Variants in KCND2 observed in about 807,000 individuals in gnomAD.
KCND2 encodes the protein potassium voltage-gated channel subfamily D member 2.
A neutral mutation model predicts 54.4 loss-of-function variants in KCND2; 16 were observed. That is an observed-to-expected ratio of 0.29 (90% CI 0.20 to 0.45). The LOEUF (loss-of-function observed/expected upper bound fraction) is 0.45. Among genes scored for constraint, KCND2 ranks in the 20% least tolerant of loss-of-function variants. The pLI, the probability that KCND2 is intolerant of heterozygous loss-of-function variation, is 1.00. For missense variants in KCND2, 486 were observed against 824.2 expected (o/e 0.59, Z 5.02); for synonymous variants, 317 against 310.7 (o/e 1.02, Z -0.21).
At chr7:120,460,814 C>T (rs1562844490) in intron 1 of KCND2, among the ~76,000 whole-genome samples, 1 of 151,998 alleles carries the variant, frequency 6.6e-6, no homozygotes, top group Non-Finnish European at 1.5e-5. Context: ...CAAAAAGAAA[C>T]GCGTGGAAGA....
chr7:120,457,282 A>G (rs1474363129), intron 1 of KCND2, among the ~76,000 whole-genome samples: 3 of 152,130 alleles, frequency 2.0e-5, no homozygotes, highest in Non-Finnish European at 4.4e-5. Context: ...CTCATTACTT[A>G]TGTAAATTTC....
At chr7:120,622,265 A>G (rs1489173467) in intron 1 of KCND2, among the ~76,000 whole-genome samples, 1 of 152,124 alleles carries the variant, frequency 6.6e-6, no homozygotes, top group Non-Finnish European at 1.5e-5. Context: ...ACTCTACAAG[A>G]AGGGTTTAAT....
At chr7:120,503,751 G>A (rs1025494085) in intron 1 of KCND2, among the ~76,000 whole-genome samples, 14 of 151,998 alleles carry the variant, frequency 9.2e-5, no homozygotes, top group South Asian at 2.1e-4. Context: ...ATACATACAC[G>A]TCAGTAGGTC....
At chr7:120,360,364 G>A (rs1285785959) in intron 1 of KCND2, among the ~76,000 whole-genome samples, 1 of 151,892 alleles carries the variant, frequency 6.6e-6, no homozygotes, top group African/African-American at 2.4e-5. Context: ...ATATTGATTT[G>A]GTTTATCAAA....
At chr7:120,415,312 A>G (rs1801509668) in intron 1 of KCND2, among the ~76,000 whole-genome samples, 1 of 152,202 alleles carries the variant, frequency 6.6e-6, no homozygotes, top group Non-Finnish European at 1.5e-5. Flanking sequence ...AGTTCTTGTA[A>G]AAGCTTTCAA....
chr7:120,599,934 T>G (rs1001159915), intron 1 of KCND2, among the ~76,000 whole-genome samples: 2 of 152,074 alleles, frequency 1.3e-5, no homozygotes, highest in Non-Finnish European at 2.9e-5. Flanking sequence ...AAGTTTCTTG[T>G]AGATATTCTT....
chr7:120,651,423 G>A (rs528359639), intron 1 of KCND2, among the ~76,000 whole-genome samples: 3 of 152,284 alleles, frequency 2.0e-5, no homozygotes, highest in Admixed American at 1.3e-4. Context: ...GCCATGCACG[G>A]GATATAATCT....
At chr7:120,384,670 G>T (rs1253550800) in intron 1 of KCND2, among the ~76,000 whole-genome samples, 1 of 152,110 alleles carries the variant, frequency 6.6e-6, no homozygotes, top group Non-Finnish European at 1.5e-5. Context: ...CTGCCCAGAA[G>T]ATATCAAACA....
In KCND2 at chr7:120,581,567, CTGTT is replaced by C. The variant is rs1248694567; in HGVS notation, c.1116-151333_1116-151330del. 2.6e-5 allele frequency among the ~76,000 whole-genome samples: 4 copies of C among 152,294 alleles called. No individual in the cohort carries two copies. In the East Asian group the frequency reaches 7.7e-4, roughly 29 times the overall value. On this transcript the variant is annotated intron_variant, in intron 1 of 5. Coordinates refer to ENST00000331113, the MANE Select transcript of KCND2 (RefSeq NM_012281.3). ...CAGATAGCAACAGTCTAGTGCCTGT[CTGTT>C]TGGAGAGAAGCAATCTTCCACCTAC...
intron 1 of KCND2, among the ~76,000 whole-genome samples, chr7:120,421,800 A>G (rs190028634): frequency 6.6e-6 from 1 of 152,310 alleles, no homozygotes; most frequent in East Asian, 1.9e-4. Flanking sequence ...TACAGCCTAC[A>G]TAGCAAAATA....
At chr7:120,375,213 T>C (rs747357867) in intron 1 of KCND2, among the ~76,000 whole-genome samples, 3 of 151,932 alleles carry the variant, frequency 2.0e-5, no homozygotes, top group Non-Finnish European at 2.9e-5. Context: ...TGTGTAGATA[T>C]TGCTTGTTTC....
At chr7:120,457,728 C>G (rs1464979951) in intron 1 of KCND2, among the ~76,000 whole-genome samples, 2 of 152,132 alleles carry the variant, frequency 1.3e-5, no homozygotes, top group Non-Finnish European at 2.9e-5. Flanking sequence ...TTACCTTTTT[C>G]TGAGCCCTCC....
At chr7:120,654,288 A>G (rs554703591) in intron 1 of KCND2, among the ~76,000 whole-genome samples, 1 of 152,336 alleles carries the variant, frequency 6.6e-6, no homozygotes, top group East Asian at 1.9e-4. Context: ...ATTTAACTAA[A>G]CAGGTATTCA....
At chr7:120,660,474 G>A (rs542709910) in intron 1 of KCND2, among the ~76,000 whole-genome samples, 18 of 152,034 alleles carry the variant, frequency 1.2e-4, no homozygotes, top group Non-Finnish European at 1.6e-4. Flanking sequence ...TTTCCATTTG[G>A]TTGGATTTCA....
At chr7:120,545,203 G>A (rs150995863) in intron 1 of KCND2, among the ~76,000 whole-genome samples, 1 of 151,838 alleles carries the variant, frequency 6.6e-6, no homozygotes, top group Non-Finnish European at 1.5e-5. Flanking sequence ...AATTACTTCT[G>A]TTTCCCACCC....
intron 1 of KCND2, among the ~76,000 whole-genome samples, chr7:120,401,390 G>A (rs1801250902): frequency 6.6e-6 from 1 of 152,076 alleles, no homozygotes; most frequent in Admixed American, 6.6e-5. Flanking sequence ...TTGAGGTACT[G>A]CCCATTGTGG....
intron 1 of KCND2, among the ~76,000 whole-genome samples, chr7:120,563,752 T>C (rs1431668471): frequency 6.6e-6 from 1 of 152,146 alleles, no homozygotes; most frequent in African/African-American, 2.4e-5. Flanking sequence ...CCCCTCTCCA[T>C]GTAATACCCT....
At chr7:120,732,862 G>A (rs1473084018) in intron 1 of KCND2, 41 bp from the exon 2 acceptor site, 4 of 1,546,376 alleles carry the variant, frequency 2.6e-6, no homozygotes, top group Non-Finnish European at 3.6e-6. Flanking sequence ...ATGTCTTTCT[G>A]TGACTTAAAA....
chr7:120,424,439 C>G (rs1319402712), intron 1 of KCND2, among the ~76,000 whole-genome samples: 1 of 152,152 alleles, frequency 6.6e-6, no homozygotes, highest in Non-Finnish European at 1.5e-5. Context: ...TTTGCAACAA[C>G]TAATTAAGAT....
Sources: allele counts gnomAD v4.1 joint callset (sites outside exome capture counted in the v4.1 genomes callset), GRCh38; gene constraint gnomAD v4.1.1; transcripts MANE v1.5; gene names NCBI Gene and HGNC (gene_info 2026-07-23, HGNC 2026-07-21).